Variants in EML6 observed in about 807,000 individuals in gnomAD.
EML6 encodes EMAP like 6.
In EML6, 154 loss-of-function variants were observed where a neutral mutation model predicts 240.1. That is an observed-to-expected ratio of 0.64 (90% CI 0.56 to 0.73). The LOEUF (loss-of-function observed/expected upper bound fraction) is 0.73, where lower values mean the gene tolerates loss of function less well. Ranked by LOEUF, EML6 falls within the 30% of genes least tolerant of loss-of-function variation. The pLI is 0.00. For synonymous variants in EML6, 1,148 were observed against 899.0 expected (o/e 1.28, Z -4.95); for missense variants, 2,964 against 2,474.6 (o/e 1.20, Z -4.20).
chr2:54,831,645 T>G (rs553379428), intron 7 of EML6, among the ~76,000 whole-genome samples: 128 of 152,378 alleles, frequency 8.4e-4, no homozygotes, highest in African/African-American at 2.9e-3. Context: ...CTGTGGTGCC[T>G]GGGCTTGGCG....
At chr2:54,731,114 G>A (rs1299226704) in intron 2 of EML6, among the ~76,000 whole-genome samples, 2 of 152,220 alleles carry the variant, frequency 1.3e-5, no homozygotes, top group African/African-American at 2.4e-5. Context: ...AGGTGAAGAT[G>A]TAGTGGCAGA....
At position 54,879,470 on chromosome 2, in the gene EML6, T is replaced by C. The variant is rs557693529; in HGVS notation, c.2345-77T>C. ...TTTATCAGTTCTTAAGATCAGTTAC[T>C]TATTCCTCTTTACAGTGTATGAAAT... On this transcript the variant is annotated intron_variant, in intron 16 of 41. Coordinates refer to ENST00000356458, the MANE Select transcript of EML6 (RefSeq NM_001039753.4). The C allele has an allele frequency of 1.3e-5, 12 of 908,254 alleles. No homozygotes were observed. In the African/African-American group the frequency reaches 2.0e-4, roughly 15 times the overall value. 56.3% of individuals were successfully genotyped at this position (908,254 alleles called of 1,614,324 possible).
intron 24 of EML6, among the ~76,000 whole-genome samples, chr2:54,907,900 T>TTAGATAGATAGA (rs200763117): frequency 2.2e-5 from 3 of 136,236 alleles, no homozygotes; most frequent in African/African-American, 5.6e-5. Flanking sequence ...ATTAGATAGA[T>TTAGATAGATAGA]TAGATAGATA....
Position 54,842,510 on chromosome 2 carries a change from T to C in EML6, c.848-1537T>C, listed in dbSNP as rs1469152630. 2.0e-5 allele frequency among the ~76,000 whole-genome samples: 3 copies of C among 152,190 alleles called. No individual in the cohort carries two copies. The East Asian group carries it at 5.8e-4, about 29-fold the overall frequency. On this transcript the variant is annotated intron_variant, in intron 7 of 41. Coordinates refer to ENST00000356458, the MANE Select transcript of EML6 (RefSeq NM_001039753.4). The stretch of plus-strand genomic sequence containing the variant: ...CCCCAGCAAGGAAAGAATACTCCTA[T>C]GTCTAGCCAGCTGGACCTAGAGCAG...
At chr2:54,926,204 C>G (rs1230147424) in intron 26 of EML6, among the ~76,000 whole-genome samples, 1 of 152,150 alleles carries the variant, frequency 6.6e-6, no homozygotes, top group Non-Finnish European at 1.5e-5. Flanking sequence ...CAGGTTCAAG[C>G]AATTCTCCTG....
chr2:54,850,043 T>C lies in EML6; in HGVS notation c.1269T>C (p.Leu423=). 6.4e-7 allele frequency: 1 copy of C among 1,551,966 alleles called. No homozygotes were observed. The highest frequency in any genetic ancestry group is 8.7e-7 in the Non-Finnish European group (1 of 1,147,022). The part of the protein sequence containing the change: ...EMKFSPDGSY[L]AVGSNDGPVD... The stretch of plus-strand genomic sequence containing the variant: ...AATTTTCTCCAGATGGTTCTTACCT[T>C]GCAGTGGGATCCAATGATGGCCCAG... Residue 423 remains leucine, a synonymous_variant, in exon 10 of 42, where the codon CTT becomes CTC. Coordinates refer to ENST00000356458, the MANE Select transcript of EML6 (RefSeq NM_001039753.4).
intron 24 of EML6, among the ~76,000 whole-genome samples, chr2:54,905,378 A>ACACACACACACACAC (rs1558670758): frequency 1.4e-5 from 2 of 145,160 alleles, no homozygotes; most frequent in African/African-American, 5.0e-5. Flanking sequence ...ACACACACAC[A>ACACACACACACACAC]AAATACCTGA....
chr2:54,877,817 C>G lies in EML6; in HGVS notation c.2345-1730C>G, dbSNP rs1306346681. On this transcript the variant is annotated intron_variant, in intron 16 of 41. Transcript: ENST00000356458. ...GGTCAGGTAACTTTCAAATCCTTGC[C>G]TCATACTTCGTAGTGATGGAGGGTT... 3.3e-5 allele frequency among the ~76,000 whole-genome samples: 5 copies of G among 152,310 alleles called. No individual in the cohort carries two copies. In the East Asian group the frequency reaches 7.7e-4, roughly 23 times the overall value.
chr2:54,815,845 C>A (rs548026519), intron 3 of EML6, among the ~76,000 whole-genome samples: 1 of 152,198 alleles, frequency 6.6e-6, no homozygotes, highest in African/African-American at 2.4e-5. Flanking sequence ...TACACAGACA[C>A]ACTCTCGAAT....
chr2:54,826,951 T>C (rs1668627513), intron 5 of EML6, among the ~76,000 whole-genome samples: 1 of 152,090 alleles, frequency 6.6e-6, no homozygotes, highest in Non-Finnish European at 1.5e-5. Flanking sequence ...GGAGGGCAGA[T>C]TACTTGAGGC....
chr2:54,875,446 T>C (rs926153436), intron 16 of EML6, among the ~76,000 whole-genome samples: 1 of 152,322 alleles, frequency 6.6e-6, no homozygotes, highest in South Asian at 2.1e-4. Context: ...TCGCTGCCCA[T>C]CTCTTAGGAG....
intron 2 of EML6, among the ~76,000 whole-genome samples, chr2:54,808,302 G>C (rs1670603286): frequency 6.6e-6 from 1 of 152,190 alleles, no homozygotes; most frequent in Non-Finnish European, 1.5e-5. Context: ...GTTCAAATCA[G>C]GCCTGCCTTT....
chr2:54,956,953 A>T (rs1195798732), intron 32 of EML6, among the ~76,000 whole-genome samples: 1 of 152,180 alleles, frequency 6.6e-6, no homozygotes, highest in Non-Finnish European at 1.5e-5. Flanking sequence ...GAAGCCAAGA[A>T]ATTTTAAAAG....
chr2:54,850,969 C>A (rs1670049178), intron 10 of EML6, among the ~76,000 whole-genome samples: 1 of 152,174 alleles, frequency 6.6e-6, no homozygotes, highest in South Asian at 2.1e-4. Context: ...AGTGTATGGT[C>A]ATTTATATAA....
intron 24 of EML6, among the ~76,000 whole-genome samples, chr2:54,908,399 G>A (rs892653505): frequency 1.3e-5 from 2 of 151,968 alleles, no homozygotes; most frequent in Admixed American, 1.3e-4. Flanking sequence ...ATTTTTAGTA[G>A]ATATGGGGTT....
At chr2:54,966,789 G>T (rs756169266) in intron 38 of EML6, 1 of 391,914 alleles carries the variant, frequency 2.6e-6, no homozygotes, top group Non-Finnish European at 4.7e-6. Context: ...CTGGAAAATA[G>T]CGAGAAAATG....
At chr2:54,952,520 A>C in intron 30 of EML6, 74 bp from the exon 31 acceptor site, 2 of 856,310 alleles carry the variant, frequency 2.3e-6, no homozygotes, top group South Asian at 3.2e-5. Flanking sequence ...CAATGGCTCC[A>C]CGCGATGTTT....
Position 54,869,163 on chromosome 2 carries a change from C to A in EML6, c.2052-18C>A. ...CTGTTTGTTCAACCACTATGCATTT[C>A]TTGGACCTGTGCTTCAGTTATAGAG... On this transcript the variant is annotated intron_variant, in intron 14 of 41. Transcript: ENST00000356458. The A allele has an allele frequency of 6.5e-7, 1 of 1,530,538 alleles. No homozygotes were observed. The allele number at this position is 1,530,538 out of a possible 1,614,324, so 94.8% of individuals were successfully genotyped here. A position where few individuals can be genotyped will look rare whatever the true frequency, so the allele number is the denominator to read the frequency against.
intron 41 of EML6, 105 bp downstream of exon 41, chr2:54,968,873 C>T: frequency 4.7e-6 from 3 of 634,278 alleles, no homozygotes; most frequent in Non-Finnish European, 2.8e-6. Flanking sequence ...ATGAGGAGGG[C>T]TGATGTGGGG....
Sources: allele counts gnomAD v4.1 joint callset (sites outside exome capture counted in the v4.1 genomes callset), GRCh38; gene constraint gnomAD v4.1.1; transcripts MANE v1.5; gene names NCBI Gene and HGNC (gene_info 2026-07-23, HGNC 2026-07-21).